The following IL1RAPL2 variants were observed in gnomAD, a reference collection of about 807,000 sequenced individuals.
IL1RAPL2 encodes the protein X-linked interleukin-1 receptor accessory protein-like 2.
A neutral mutation model predicts 44.1 loss-of-function variants in IL1RAPL2; 3 were observed. That is an observed-to-expected ratio of 0.07 (90% confidence interval 0.03 to 0.18). IL1RAPL2 has a LOEUF of 0.18. IL1RAPL2 is among the 10% of genes least tolerant of loss of function. The pLI is 1.00. For missense variants in IL1RAPL2, 391 were observed against 496.4 expected (o/e 0.79, Z 2.02); for synonymous variants, 181 against 178.8 (o/e 1.01, Z -0.10).
rs898884590 is a variant in IL1RAPL2 at position 104,961,837 on chromosome X, G to GATGA, written c.83-233621_83-233618dup. 4.6e-3 allele frequency among the ~76,000 whole-genome samples: 514 copies of GATGA among 111,941 alleles called. 3 individuals are homozygous for GATGA. Among genetic ancestry groups the GATGA allele is most frequent in the African/African-American group, 0.016 (485 of 30,807 alleles). On this transcript the variant is annotated intron_variant, in intron 2 of 10. Transcript: ENST00000372582. ...TAGGCACTCAAAAAAGTATTTGTTA[G>GATGA]ATGAATGAATGAATGAATGAGTGAA...
chrX:104,846,234 A>G (rs1323553672), intron 2 of IL1RAPL2, among the ~76,000 whole-genome samples: 2 of 110,800 alleles, frequency 1.8e-5, no homozygotes, highest in African/African-American at 3.3e-5. Flanking sequence ...TCTAGGGTAC[A>G]TGTGCACAAC....
At chrX:105,332,954 A>G (rs1433209830) in intron 5 of IL1RAPL2, among the ~76,000 whole-genome samples, 1 of 111,810 alleles carries the variant, frequency 8.9e-6, no homozygotes, top group African/African-American at 3.2e-5. Flanking sequence ...AGCAATCTAC[A>G]GATTCAATGT....
intron 5 of IL1RAPL2, among the ~76,000 whole-genome samples, chrX:105,452,379 CCTAT>C (rs1231949767): frequency 1.8e-5 from 2 of 111,324 alleles, no homozygotes; most frequent in African/African-American, 6.5e-5. Context: ...CAGAGGTGAT[CCTAT>C]CTGTTTTCCT....
At chrX:105,277,749 A>G (rs779141846) in intron 5 of IL1RAPL2, among the ~76,000 whole-genome samples, 6 of 110,565 alleles carry the variant, frequency 5.4e-5, no homozygotes, top group Non-Finnish European at 9.5e-5. Flanking sequence ...GAGTGTCACA[A>G]TCTACCCTGC....
intron 2 of IL1RAPL2, among the ~76,000 whole-genome samples, chrX:104,695,494 TAAGGGAAGACTTTGAGATGAAA>T (rs1931163845): frequency 9.0e-6 from 1 of 111,054 alleles, no homozygotes; most frequent in Admixed American, 9.6e-5. Flanking sequence ...TGCATATGAC[TAAGGGAAGACTTTGAGATGAAA>T]AAGTGAGAAA....
At chrX:104,596,488 G>A (rs911401779) in intron 1 of IL1RAPL2, among the ~76,000 whole-genome samples, 5 of 111,710 alleles carry the variant, frequency 4.5e-5, no homozygotes, top group African/African-American at 1.6e-4. Context: ...AGACAAACTG[G>A]AATCCAGATG....
At chrX:105,175,974 T>A (rs1397802772) in intron 2 of IL1RAPL2, among the ~76,000 whole-genome samples, 2 of 110,995 alleles carry the variant, frequency 1.8e-5, no homozygotes, top group African/African-American at 6.5e-5. Flanking sequence ...GCTGTAAAGG[T>A]GAAATTATTA....
intron 6 of IL1RAPL2, among the ~76,000 whole-genome samples, chrX:105,530,267 G>A (rs1033046973): frequency 7.2e-5 from 8 of 111,661 alleles, no homozygotes; most frequent in African/African-American, 2.6e-4. Flanking sequence ...TGGTAAGAAT[G>A]TGTATGAAGT....
At chrX:104,693,233 A>G (rs1319107975) in intron 2 of IL1RAPL2, among the ~76,000 whole-genome samples, 1 of 111,630 alleles carries the variant, frequency 9.0e-6, no homozygotes. Context: ...ATACCATTGT[A>G]CATGTGTTAG....
intron 2 of IL1RAPL2, among the ~76,000 whole-genome samples, chrX:105,030,231 C>A (rs1333783410): frequency 9.0e-6 from 1 of 111,363 alleles, no homozygotes; most frequent in Non-Finnish European, 1.9e-5. Flanking sequence ...TTTTGCTGTG[C>A]AGAAGCTCTT....
chrX:105,625,089 A>C (rs1243854011), intron 6 of IL1RAPL2, among the ~76,000 whole-genome samples: 1 of 111,992 alleles, frequency 8.9e-6, no homozygotes, highest in Non-Finnish European at 1.9e-5. Context: ...TTTGGGTTTT[A>C]CTAACCTCAA....
intron 2 of IL1RAPL2, among the ~76,000 whole-genome samples, chrX:104,704,520 A>G (rs2147554029): frequency 9.0e-6 from 1 of 111,458 alleles, no homozygotes; most frequent in East Asian, 2.8e-4. Flanking sequence ...TCTTTGTTGA[A>G]TTATCTGCTA....
chrX:104,751,050 G>T (rs1166710448), intron 2 of IL1RAPL2, among the ~76,000 whole-genome samples: 1 of 111,015 alleles, frequency 9.0e-6, no homozygotes, highest in Non-Finnish European at 1.9e-5. Context: ...TTGAACACAA[G>T]CTACAAGATT....
chrX:105,761,049 G>A (rs2038682358), intron 10 of IL1RAPL2, among the ~76,000 whole-genome samples: 1 of 109,070 alleles, frequency 9.2e-6, no homozygotes, highest in Non-Finnish European at 1.9e-5. Context: ...CGTGGTGGCA[G>A]ATGCCTGTAA....
intron 2 of IL1RAPL2, among the ~76,000 whole-genome samples, chrX:105,143,377 A>T (rs2033144713): frequency 8.9e-6 from 1 of 112,341 alleles, no homozygotes; most frequent in African/African-American, 3.2e-5. Flanking sequence ...GAGAAATGCA[A>T]ATCAAAACTA....
intron 2 of IL1RAPL2, among the ~76,000 whole-genome samples, chrX:104,955,093 G>C: frequency 8.9e-6 from 1 of 112,023 alleles, no homozygotes; most frequent in Middle Eastern, 4.7e-3. Context: ...CATGGTAATG[G>C]TAAACTGTCA....
intron 2 of IL1RAPL2, among the ~76,000 whole-genome samples, chrX:104,782,196 T>C (rs909487435): frequency 4.5e-5 from 5 of 111,474 alleles, no homozygotes; most frequent in African/African-American, 1.6e-4. Context: ...TGGGAGGGGC[T>C]TCTATTACTA....
chrX:104,611,911 C>T (rs60792769), intron 1 of IL1RAPL2, among the ~76,000 whole-genome samples: 1,233 of 108,597 alleles, frequency 0.011, 26 homozygotes, highest in African/African-American at 0.039. Flanking sequence ...GGGCATGGGA[C>T]CCATTGAGCC....
rs752920836 is a variant in IL1RAPL2, at chrX:105,290,228, C to A, written c.697+22687C>A. 1.1e-4 allele frequency among the ~76,000 whole-genome samples: 12 copies of A among 111,120 alleles called. No homozygotes were observed. In the South Asian group the frequency reaches 4.6e-3, roughly 42 times the overall value. On this transcript the variant is annotated intron_variant, in intron 5 of 10. Transcript: ENST00000372582. ...CAGGCATTGTCCTAGACACTAAAAC[C>A]CAAAGATAAATAAGATATGGTCTCT...
Sources: allele counts gnomAD v4.1 joint callset (sites outside exome capture counted in the v4.1 genomes callset), GRCh38; gene constraint gnomAD v4.1.1; transcripts MANE v1.5; gene names NCBI Gene and HGNC (gene_info 2026-07-23, HGNC 2026-07-21).